Variants in NR6A1 observed in about 807,000 individuals in gnomAD.
NR6A1 encodes the protein retinoic acid receptor-related testis-associated receptor.
Under a neutral mutation model 59.1 loss-of-function variants are expected in NR6A1, and 7 were observed. That is an observed-to-expected ratio of 0.12 (90% CI 0.07 to 0.22). The LOEUF (loss-of-function observed/expected upper bound fraction) is 0.22, where lower values mean the gene tolerates loss of function less well. Ranked by LOEUF, NR6A1 falls within the 10% of genes least tolerant of loss-of-function variation. The pLI, the probability that NR6A1 is intolerant of heterozygous loss-of-function variation, is 1.00. For missense variants in NR6A1, 468 were observed against 611.6 expected, an observed-to-expected ratio of 0.77 and a Z score of 2.48; for synonymous variants, 243 against 236.1, an observed-to-expected ratio of 1.03 and a Z score of -0.27.
chr9:124,650,155 C>G (rs1470642714), intron 2 of NR6A1, among the ~76,000 whole-genome samples: 1 of 152,184 alleles, frequency 6.6e-6, no homozygotes, highest in South Asian at 2.1e-4. Flanking sequence ...TATTGCACCA[C>G]TATTCACAAC....
At chr9:124,660,505 CA>C (rs1333901087) in intron 2 of NR6A1, among the ~76,000 whole-genome samples, 2 of 152,116 alleles carry the variant, frequency 1.3e-5, no homozygotes, top group Non-Finnish European at 2.9e-5. Flanking sequence ...TAGTTCCAGC[CA>C]CCATTCGCCC....
chr9:124,706,482 T>C (rs78448587), intron 2 of NR6A1, among the ~76,000 whole-genome samples: 2 of 152,220 alleles, frequency 1.3e-5, no homozygotes, highest in South Asian at 2.1e-4. Context: ...GTCTTCATTT[T>C]TGAAGAACAG....
At chr9:124,576,419 C>T (rs1327655176) in intron 2 of NR6A1, among the ~76,000 whole-genome samples, 1 of 152,200 alleles carries the variant, frequency 6.6e-6, no homozygotes, top group East Asian at 1.9e-4. Context: ...TCCCGAGTAG[C>T]TGGGACTACA....
intron 2 of NR6A1, among the ~76,000 whole-genome samples, chr9:124,646,955 C>T (rs946586677): frequency 2.0e-5 from 3 of 152,282 alleles, no homozygotes; most frequent in East Asian, 1.9e-4. Context: ...CACTCTGTTG[C>T]CCAGGCTGAA....
At position 124,528,348 on chromosome 9, in the gene NR6A1, C is replaced by G. The variant is rs1402346782; in HGVS notation, c.1080-1448G>C. 2.0e-5 allele frequency among the ~76,000 whole-genome samples: 3 copies of G among 152,068 alleles called. No homozygotes were observed. In the East Asian group the frequency reaches 5.8e-4, roughly 29 times the overall value. ...TCTATATCTCTGGGTTCCACCAACT[C>G]CATCAAAAATATTTTTTTTACAAAA... is the stretch of plus-strand genomic sequence containing the variant. On this transcript the variant is annotated intron_variant, in intron 7 of 9. Coordinates refer to ENST00000487099, the MANE Select transcript of NR6A1 (RefSeq NM_033334.4).
intron 2 of NR6A1, among the ~76,000 whole-genome samples, chr9:124,624,997 T>C (rs1836193161): frequency 6.6e-6 from 1 of 152,046 alleles, no homozygotes; most frequent in Non-Finnish European, 1.5e-5. Context: ...AATATATATT[T>C]GGATAACTTT....
intron 1 of NR6A1, among the ~76,000 whole-genome samples, chr9:124,758,490 T>C (rs1159716653): frequency 6.6e-6 from 1 of 152,144 alleles, no homozygotes; most frequent in African/African-American, 2.4e-5. Context: ...AAATTAACTA[T>C]GAGTTTGACT....
intron 2 of NR6A1, among the ~76,000 whole-genome samples, chr9:124,584,709 C>T (rs1834873212): frequency 6.6e-6 from 1 of 152,108 alleles, no homozygotes; most frequent in African/African-American, 2.4e-5. Context: ...CCCATCTCTC[C>T]TTCTCTCCCC....
At position 124,536,152 on chromosome 9, in the gene NR6A1, G is replaced by A. The variant is rs114419980; in HGVS notation, c.825-20C>T. 5 of 1,605,412 alleles carry A rather than the reference G, an allele frequency of 3.1e-6. No individual in the cohort carries two copies. Among genetic ancestry groups the A allele is most frequent in the Non-Finnish European group, 4.3e-6 (5 of 1,174,804 alleles). ...GCGTATCTGAGGGGCAGGGACAGGG[G>A]AAAGTCACTTCCATTGGTCAGAGGG... On this transcript the variant is annotated intron_variant, in intron 6 of 9. Coordinates refer to ENST00000487099, the MANE Select transcript of NR6A1 (RefSeq NM_033334.4).
chr9:124,722,699 G>A (rs139964263), intron 2 of NR6A1, among the ~76,000 whole-genome samples: 3 of 152,102 alleles, frequency 2.0e-5, no homozygotes, highest in African/African-American at 4.8e-5. Flanking sequence ...CTACCAATAT[G>A]GCAAGATATA....
At chr9:124,644,299 G>C (rs1359129410) in intron 2 of NR6A1, among the ~76,000 whole-genome samples, 2 of 86,600 alleles carry the variant, frequency 2.3e-5, no homozygotes, top group Non-Finnish European at 4.2e-5. Context: ...TTGAGACATG[G>C]TTTCGCTCTA....
At chr9:124,536,959 AAACTGGAATAAAAGCC>A (rs1163782311) in intron 6 of NR6A1, among the ~76,000 whole-genome samples, 2 of 152,200 alleles carry the variant, frequency 1.3e-5, no homozygotes, top group Non-Finnish European at 2.9e-5. Flanking sequence ...CTTTAAGCTA[AAACTGGAATAAAAGCC>A]GGCTTTGAGA....
chr9:124,611,710 CTG>C (rs1170129864), intron 2 of NR6A1, among the ~76,000 whole-genome samples: 1 of 146,272 alleles, frequency 6.8e-6, no homozygotes, highest in Non-Finnish European at 1.5e-5. Flanking sequence ...GATTACACCA[CTG>C]TGCTCCAGGC....
Position 124,536,084 on chromosome 9 carries a change from G to A in NR6A1, c.873C>T (p.Ala291=), listed in dbSNP as rs61755057. The change falls in exon 7 of 10, where the codon GCC becomes GCT. Residue 291 remains alanine (A), a synonymous_variant. Coordinates refer to ENST00000487099, the MANE Select transcript of NR6A1 (RefSeq NM_033334.4). ...CAATCTGCCTAAAGAGCAGCTCGTC[G>A]GCCAGGCGGCAAAGCAGGGCAAATA... ...AELFALLCRL[A]DELLFRQIAW... is the part of the protein sequence containing the mutation. The A allele has an allele frequency of 1.9e-3, 3,084 of 1,614,064 alleles. 61 individuals carry two copies. In the African/African-American group the frequency reaches 0.037, roughly 19 times the overall value.
chr9:124,626,181 T>C (rs1473607410), intron 2 of NR6A1, among the ~76,000 whole-genome samples: 3 of 152,166 alleles, frequency 2.0e-5, no homozygotes, highest in Admixed American at 1.3e-4. Context: ...AATTTTTGTA[T>C]TTTCCGTAGA....
At position 124,518,048 on chromosome 9, in the gene NR6A1, C is replaced by A. The variant is rs908245306; in HGVS notation, c.*4657G>T. On this transcript the variant is annotated 3_prime_UTR_variant, in exon 10 of 10. Transcript: ENST00000487099. ...AAAGAAAACAATGGTCATTAAAGGG[C>A]AAAGACGGCAGGGCTAGATCTGGGG... The A allele has an allele frequency of 6.6e-6, 1 of 150,856 alleles. No homozygotes were observed. The highest frequency in any genetic ancestry group is 1.5e-5 in the Non-Finnish European group (1 of 67,796). The allele number at this position is 150,856 out of a possible 1,614,324, so 9.3% of individuals were successfully genotyped here.
chr9:124,664,368 T>C (rs1356777264), intron 2 of NR6A1, among the ~76,000 whole-genome samples: 1 of 152,230 alleles, frequency 6.6e-6, no homozygotes, highest in Non-Finnish European at 1.5e-5. Context: ...TGTCATATCT[T>C]AGCTCTGCCA....
chr9:124,544,339 G>A (rs547982593), intron 3 of NR6A1, among the ~76,000 whole-genome samples: 1 of 152,326 alleles, frequency 6.6e-6, no homozygotes, highest in Admixed American at 6.5e-5. Context: ...TGCAAAGGCA[G>A]TCAGTAGAGC....
chr9:124,597,853 TTTTA>T (rs766306330), intron 2 of NR6A1, among the ~76,000 whole-genome samples: 6 of 152,166 alleles, frequency 3.9e-5, no homozygotes. Context: ...TTATTTATTT[TTTTA>T]TTTGAGACAG....
Sources: gnomAD v4.1 joint callset for allele counts (sites outside exome capture counted in the v4.1 genomes callset) on GRCh38, gnomAD v4.1.1 for gene constraint, MANE v1.5 for transcripts, NCBI Gene and HGNC (gene_info 2026-07-23, HGNC 2026-07-21) for gene names.